The following SSBP3 variants were observed in gnomAD, a reference collection of about 807,000 sequenced individuals.
SSBP3 encodes single stranded DNA binding protein 3.
Under a neutral mutation model 69.6 loss-of-function variants are expected in SSBP3, and 5 were observed. That is an observed-to-expected ratio of 0.07 (90% confidence interval 0.04 to 0.15). The LOEUF (loss-of-function observed/expected upper bound fraction) is 0.15. Ranked by LOEUF, SSBP3 falls within the 10% of genes least tolerant of loss-of-function variation. The pLI is 1.00. For synonymous variants in SSBP3, 196 were observed against 193.4 expected (o/e 1.01, Z -0.11); for missense variants, 312 against 534.0 (o/e 0.58, Z 4.10).
chr1:54,316,659 AT>A (rs1195401524), intron 4 of SSBP3, among the ~76,000 whole-genome samples: 19,896 of 65,470 alleles, frequency 0.3, 3,440 homozygotes, highest in African/African-American at 0.41. Context: ...AAAAAAAAAA[AT>A]AAAATAAATA....
chr1:54,343,173 C>T (rs535737206), intron 4 of SSBP3, among the ~76,000 whole-genome samples: 26 of 152,270 alleles, frequency 1.7e-4, no homozygotes, highest in East Asian at 5.8e-4. Flanking sequence ...AACCCTCTGC[C>T]GCTTTTCATA....
At chr1:54,353,044 C>T (rs748528390) in intron 4 of SSBP3, among the ~76,000 whole-genome samples, 3 of 152,170 alleles carry the variant, frequency 2.0e-5, no homozygotes, top group East Asian at 3.9e-4. Flanking sequence ...CGGACAGCGC[C>T]GTGTCCTCAG....
At chr1:54,330,783 C>T (rs770751526) in intron 4 of SSBP3, among the ~76,000 whole-genome samples, 3 of 152,188 alleles carry the variant, frequency 2.0e-5, no homozygotes, top group Non-Finnish European at 2.9e-5. Flanking sequence ...ATCCCACCCA[C>T]GTCAAAACCA....
intron 4 of SSBP3, among the ~76,000 whole-genome samples, chr1:54,298,858 C>G (rs1440955021): frequency 6.6e-6 from 1 of 151,456 alleles, no homozygotes. Context: ...CTCGCTTTAT[C>G]TAAATATATC....
upstream of SSBP3, among the ~76,000 whole-genome samples, chr1:54,408,552 G>A (rs1344458613): frequency 2.6e-5 from 4 of 152,124 alleles, no homozygotes; most frequent in Non-Finnish European, 5.9e-5. Flanking sequence ...GCCCTTCTCC[G>A]GCCCTGCTAT....
At chr1:54,344,737 T>C (rs1418215871) in intron 4 of SSBP3, among the ~76,000 whole-genome samples, 3 of 152,050 alleles carry the variant, frequency 2.0e-5, no homozygotes, top group African/African-American at 4.8e-5. Flanking sequence ...GGTTCTCAGG[T>C]TGGGTGGTTC....
intron 4 of SSBP3, among the ~76,000 whole-genome samples, chr1:54,297,645 A>G (rs990367814): frequency 1.3e-5 from 2 of 152,076 alleles, no homozygotes; most frequent in South Asian, 4.1e-4. Flanking sequence ...AACAAACAAA[A>G]AACTGTCTGA....
chr1:54,264,138 A>G (rs892170694), intron 5 of SSBP3, among the ~76,000 whole-genome samples: 1 of 151,978 alleles, frequency 6.6e-6, no homozygotes, highest in African/African-American at 2.4e-5. Context: ...CCGTCTCTAC[A>G]AAAAAATACA....
intron 3 of SSBP3, among the ~76,000 whole-genome samples, chr1:54,403,373 C>G (rs535586067): frequency 4.3e-4 from 66 of 152,296 alleles, no homozygotes; most frequent in African/African-American, 1.6e-3. Context: ...CCGGCCCCTT[C>G]ACTCATAAGC....
At chr1:54,403,562 A>C (rs1437010969) in intron 3 of SSBP3, among the ~76,000 whole-genome samples, 1 of 152,196 alleles carries the variant, frequency 6.6e-6, no homozygotes, top group East Asian at 1.9e-4. Context: ...GGTTGGCAGA[A>C]GTAATTAAAA....
chr1:54,226,667 CTTT>C (rs543365018), exon 18 of SSBP3: 6 of 131,264 alleles, frequency 4.6e-5, no homozygotes, highest in Non-Finnish European at 7.9e-5. Flanking sequence ...TTCCTTTTTC[CTTT>C]TTTTTTTTTT....
intron 14 of SSBP3, among the ~76,000 whole-genome samples, chr1:54,235,445 CTGA>C: frequency 1.5e-5 from 2 of 129,666 alleles, no homozygotes; most frequent in Admixed American, 7.7e-5. Context: ...CCATGCCCGG[CTGA>C]TTTTTTTTTT....
intron 5 of SSBP3, among the ~76,000 whole-genome samples, chr1:54,280,045 T>C (rs1645362237): frequency 6.6e-6 from 1 of 152,112 alleles, no homozygotes; most frequent in African/African-American, 2.4e-5. Context: ...TGCATACAGA[T>C]CCACATGTGG....
At chr1:54,369,999 G>T (rs1181940471) in intron 4 of SSBP3, among the ~76,000 whole-genome samples, 3 of 152,154 alleles carry the variant, frequency 2.0e-5, no homozygotes, top group Non-Finnish European at 4.4e-5. Flanking sequence ...AAGATGCCTG[G>T]AAGAGAAGTT....
chr1:54,324,297 G>A (rs1050144147), intron 4 of SSBP3, among the ~76,000 whole-genome samples: 2 of 152,178 alleles, frequency 1.3e-5, no homozygotes, highest in Admixed American at 6.5e-5. Context: ...TTGGCAATCA[G>A]AAAAGTCAGG....
rs568494048 is a variant in SSBP3, at chr1:54,359,031, G to A, written c.276+42830C>T. On this transcript the variant is annotated intron_variant, in intron 4 of 17. Transcript: ENST00000610401. ...AAAGGGGCCAGGCCAAAAAGTGGGG[G>A]TTGGAGGTCAGTTGTGGAAGTCACA... is the stretch of plus-strand genomic sequence containing the variant. Among the ~76,000 whole-genome samples, 4 of 152,248 alleles carry A rather than the reference G, an allele frequency of 2.6e-5. No individual in the cohort carries two copies. In the East Asian group the frequency reaches 5.8e-4, roughly 22 times the overall value.
chr1:54,315,928 C>G (rs1646089400), intron 4 of SSBP3, among the ~76,000 whole-genome samples: 1 of 152,178 alleles, frequency 6.6e-6, no homozygotes, highest in African/African-American at 2.4e-5. Context: ...TCCCAAAGTA[C>G]TGGGATTACA....
chr1:54,262,610 T>C lies in SSBP3; in HGVS notation c.367-4461A>G, dbSNP rs185972004. ...ACACAGAGAGAAATAAGCTTAAGTG[T>C]TGGCTTAACCTGCCAGGGGCTCCAA... On this transcript the variant is annotated intron_variant, in intron 5 of 17. Transcript: ENST00000610401. Among the ~76,000 whole-genome samples, 45 of 152,280 alleles carry C rather than the reference T, an allele frequency of 3.0e-4. No individual in the cohort carries two copies. In the East Asian group the frequency reaches 7.1e-3, roughly 24 times the overall value.
intron 4 of SSBP3, among the ~76,000 whole-genome samples, chr1:54,291,186 T>C (rs1645600109): frequency 6.6e-6 from 1 of 151,914 alleles, no homozygotes; most frequent in Non-Finnish European, 1.5e-5. Context: ...AATAAATCAT[T>C]AAAGGCAGGG....
Sources: gnomAD v4.1 joint callset for allele counts (sites outside exome capture counted in the v4.1 genomes callset) on GRCh38, gnomAD v4.1.1 for gene constraint, MANE v1.5 for transcripts, NCBI Gene and HGNC (gene_info 2026-07-23, HGNC 2026-07-21) for gene names.